The following GIT2 variants were observed in gnomAD, a reference collection of about 807,000 sequenced individuals.
GIT2 encodes ARF GTPase-activating protein GIT2.
In GIT2, 32 loss-of-function variants were observed where a neutral mutation model predicts 100.3. The ratio of observed to expected loss-of-function variants is 0.32; its 90% CI spans 0.24 to 0.43. The LOEUF (loss-of-function observed/expected upper bound fraction) is 0.43, where lower values mean the gene tolerates loss of function less well. Among genes scored for constraint, GIT2 ranks in the 20% least tolerant of loss-of-function variants. The pLI, the probability that GIT2 is intolerant of heterozygous loss-of-function variation, is 1.00. For synonymous variants in GIT2, 353 were observed against 364.1 expected (o/e 0.97, Z 0.35); for missense variants, 737 against 975.1 (o/e 0.76, Z 3.25).
chr12:109,943,347 T>TA (rs397969254), intron 16 of GIT2, among the ~76,000 whole-genome samples: 1 of 152,000 alleles, frequency 6.6e-6, no homozygotes, highest in African/African-American at 2.4e-5. Flanking sequence ...TTTTTTTTTT[T>TA]AAGACAATCT....
At chr12:109,956,014 C>T (rs1879345365) in intron 12 of GIT2, among the ~76,000 whole-genome samples, 1 of 151,154 alleles carries the variant, frequency 6.6e-6, no homozygotes, top group Non-Finnish European at 1.5e-5. Flanking sequence ...CTGCATCCTC[C>T]ACCTCCTGGG....
At position 109,976,409 on chromosome 12, in the gene GIT2, C is replaced by T. The variant is rs182246924; in HGVS notation, c.718+4543G>A. 9.3e-3 allele frequency among the ~76,000 whole-genome samples: 1,386 copies of T among 149,080 alleles called. 33 individuals are homozygous for T. Among genetic ancestry groups the T allele is most frequent in the African/African-American group, 0.032 (1,305 of 40,448 alleles). ...ACGCCATCCTCCTGCCTCAGCCTCCCGAGTAGCTGGGACTACAGGCGCCCA... is the reference window on the plus strand; with the variant it reads ...ACGCCATCCTCCTGCCTCAGCCTCCTGAGTAGCTGGGACTACAGGCGCCCA... On this transcript the variant is annotated intron_variant, in intron 7 of 19. Coordinates refer to ENST00000355312, the MANE Select transcript of GIT2 (RefSeq NM_057169.5).
chr12:109,996,176 G>T lies in GIT2; in HGVS notation c.49C>A (p.Pro17Thr). The T allele has an allele frequency of 6.6e-7, 1 of 1,520,448 alleles. No individual in the cohort carries two copies. The highest frequency in any genetic ancestry group is 8.8e-7 in the Non-Finnish European group (1 of 1,132,804). The allele number at this position is 1,520,448 out of a possible 1,614,324, so 94.2% of individuals were successfully genotyped here. Reference protein sequence around the residue: ...SSEVCADCSGPDPSWASVNRG... With the variant: ...SSEVCADCSGTDPSWASVNRG... Reference sequence around the variant, plus strand: ...GGGCCCGGCCGGTGCGACTCACCCGGCCCGCTGCAGTCAGCGCACACCTCG... The same window carrying T: ...GGGCCCGGCCGGTGCGACTCACCCGTCCCGCTGCAGTCAGCGCACACCTCG... The change falls in exon 1 of 20, where the codon CCG (proline) becomes ACG (threonine). Residue 17 changes from proline (P) to threonine (T), a missense_variant. Pro to Thr is a conservative substitution (Grantham distance 38). Coordinates refer to ENST00000355312, the MANE Select transcript of GIT2 (RefSeq NM_057169.5).
intron 18 of GIT2, among the ~76,000 whole-genome samples, chr12:109,936,471 C>T (rs1156366027): frequency 6.6e-6 from 1 of 152,178 alleles, no homozygotes; most frequent in South Asian, 2.1e-4. Flanking sequence ...AATACAAGCA[C>T]AGCACTTCTG....
intron 7 of GIT2, among the ~76,000 whole-genome samples, chr12:109,975,085 G>C (rs1417226941): frequency 1.3e-5 from 2 of 152,034 alleles, no homozygotes; most frequent in Non-Finnish European, 2.9e-5. Flanking sequence ...AGCCACCCTA[G>C]CTTTCTTTTC....
Position 109,932,965 on chromosome 12 carries a change from T to G in GIT2, c.*13A>C. 6.6e-7 allele frequency: 1 copy of G among 1,506,738 alleles called. No individual in the cohort carries two copies. The allele number at this position is 1,506,738 out of a possible 1,614,324, so 93.3% of individuals were successfully genotyped here. On this transcript the variant is annotated 3_prime_UTR_variant, in exon 20 of 20. Transcript: ENST00000355312. ...AAAGCCTAGAAAACAGAGGAGGCGG[T>G]GCCCTGCCCTTGTCAGTTGTTGTTC...
chr12:109,951,030 G>A (rs1877690309), intron 14 of GIT2, 137 bp downstream of exon 14: 2 of 763,628 alleles, frequency 2.6e-6, no homozygotes, highest in Admixed American at 4.5e-5. Context: ...GCTTCAAAAA[G>A]ACAACTTGGC....
At chr12:109,937,954 C>T (rs777953809) in intron 18 of GIT2, among the ~76,000 whole-genome samples, 4 of 152,274 alleles carry the variant, frequency 2.6e-5, no homozygotes, top group East Asian at 1.9e-4. Flanking sequence ...CCACCTGCTT[C>T]GGCCTCCCAA....
At chr12:109,971,991 C>CA (rs1035688834) in intron 7 of GIT2, among the ~76,000 whole-genome samples, 11 of 137,822 alleles carry the variant, frequency 8.0e-5, no homozygotes, top group East Asian at 6.1e-4. Context: ...AAGACTATCT[C>CA]AAAAAAAAGG....
At chr12:109,985,430 A>G (rs565028475) in intron 4 of GIT2, among the ~76,000 whole-genome samples, 163 of 152,126 alleles carry the variant, frequency 1.1e-3, no homozygotes, top group African/African-American at 3.4e-3. Flanking sequence ...GGGGGGGGAA[A>G]AAAGGCCAGA....
chr12:109,993,069 T>C (rs1593171242), intron 1 of GIT2, among the ~76,000 whole-genome samples: 1 of 152,052 alleles, frequency 6.6e-6, no homozygotes, highest in Admixed American at 6.6e-5. Context: ...GAGGCAAAGA[T>C]GTAAAATAAA....
chr12:109,994,171 AAC>A (rs1409096371), intron 1 of GIT2, among the ~76,000 whole-genome samples: 1 of 151,874 alleles, frequency 6.6e-6, no homozygotes, highest in African/African-American at 2.4e-5. Flanking sequence ...GCAAGTATTT[AAC>A]ACATATTAAT....
At chr12:109,999,469 C>G (rs1453810105), upstream of GIT2, 1 of 253,814 alleles carries the variant, frequency 3.9e-6, no homozygotes, top group Non-Finnish European at 7.4e-6. This position sits in a 1 kb window ranked among gnomAD's most constrained non-coding sequence, Gnocchi z 4.3. Context: ...GCGGGAACGC[C>G]GCGGGGCGCG....
At chr12:109,985,898 G>A (rs1273728255) in intron 4 of GIT2, among the ~76,000 whole-genome samples, 1 of 151,732 alleles carries the variant, frequency 6.6e-6, no homozygotes, top group East Asian at 1.9e-4. Flanking sequence ...CAGGCTTGGT[G>A]GCACATGCCT....
At chr12:109,973,878 C>T (rs969946574) in intron 7 of GIT2, among the ~76,000 whole-genome samples, 2 of 151,758 alleles carry the variant, frequency 1.3e-5, no homozygotes, top group Admixed American at 6.6e-5. Flanking sequence ...TCCATCTCTA[C>T]TAAAAATACA....
chr12:109,948,545 C>T lies in GIT2; in HGVS notation c.1393-1041G>A, dbSNP rs1483436367. 3.0e-6 allele frequency: 4 copies of T among 1,332,040 alleles called. No individual in the cohort carries two copies. Among genetic ancestry groups the T allele is most frequent in the Non-Finnish European group, 3.8e-6 (4 of 1,046,004 alleles). 82.5% of individuals were successfully genotyped at this position (1,332,040 alleles called of 1,614,324 possible). A position where few individuals can be genotyped will look rare whatever the true frequency, so the allele number is the denominator to read the frequency against. Reference sequence around the variant, plus strand: ...TTAAACACCATTCACCACGTCCATTCTGCGCAGGGTCCTTCCCTTCTGGTG... The same window carrying T: ...TTAAACACCATTCACCACGTCCATTTTGCGCAGGGTCCTTCCCTTCTGGTG... On this transcript the variant is annotated intron_variant, in intron 14 of 19. Transcript: ENST00000355312. This position sits in a 1 kb window ranked among gnomAD's most constrained non-coding sequence, Gnocchi z 4.3.
intron 7 of GIT2, among the ~76,000 whole-genome samples, chr12:109,980,084 G>A (rs552969817): frequency 6.6e-6 from 1 of 152,226 alleles, no homozygotes; most frequent in South Asian, 2.1e-4. Flanking sequence ...TTATTTTTTA[G>A]AGAGTTGGGG....
At chr12:109,973,825 T>A (rs1210372291) in intron 7 of GIT2, among the ~76,000 whole-genome samples, 1 of 151,982 alleles carries the variant, frequency 6.6e-6, no homozygotes, top group African/African-American at 2.4e-5. Flanking sequence ...GCAGATCATT[T>A]GAGGTGGGGA....
rs1307731358 is a variant in GIT2 at position 109,947,245 on chromosome 12, G to C, written c.1641+11C>G. The C allele has an allele frequency of 6.2e-7, 1 of 1,609,842 alleles. No homozygotes were observed. The highest frequency in any genetic ancestry group is 2.2e-5 in the East Asian group (1 of 44,828). ...AGAGTGAACAGCAGAAGCGCCAGTG[G>C]TGTTACTTACGTGCGCGGGGAAGGG... On this transcript the variant is annotated intron_variant, in intron 15 of 19. Coordinates refer to ENST00000355312, the MANE Select transcript of GIT2 (RefSeq NM_057169.5). The surrounding 1 kb of genome is among the most constrained non-coding windows in gnomAD (Gnocchi z 4.3).
Sources: allele counts gnomAD v4.1 joint callset (sites outside exome capture counted in the v4.1 genomes callset), GRCh38; gene constraint gnomAD v4.1.1; non-coding constraint Gnocchi (gnomAD v3.1); transcripts MANE v1.5; gene names NCBI Gene and HGNC (gene_info 2026-07-23, HGNC 2026-07-21).